The following SULF1 variants were observed in gnomAD, a reference collection of about 807,000 sequenced individuals.
SULF1 encodes extracellular sulfatase Sulf-1.
SULF1 carries 46 observed loss-of-function variants against 110.5 expected under a neutral mutation model. That is an observed-to-expected ratio of 0.42 (90% confidence interval 0.33 to 0.53). SULF1 has a LOEUF of 0.53. Among genes scored for constraint, SULF1 ranks in the 20% least tolerant of loss-of-function variants. The pLI is 0.12. For synonymous variants in SULF1, 371 were observed against 387.1 expected, an observed-to-expected ratio of 0.96 and a Z score of 0.49; for missense variants, 941 against 1,094.2, an observed-to-expected ratio of 0.86 and a Z score of 1.98.
intron 19 of SULF1, chr8:69,638,193 C>G (rs780172054): frequency 7.4e-6 from 2 of 271,002 alleles, no homozygotes; most frequent in Non-Finnish European, 1.4e-5. Context: ...CTCATACTTC[C>G]GTCACTCACC....
At chr8:69,510,087 A>T (rs1432436322) in intron 3 of SULF1, among the ~76,000 whole-genome samples, 1 of 152,164 alleles carries the variant, frequency 6.6e-6, no homozygotes, top group East Asian at 1.9e-4. Flanking sequence ...CCATGTATGC[A>T]CCTAGTTATA....
chr8:69,584,835 T>C (rs1806330906), intron 6 of SULF1, among the ~76,000 whole-genome samples: 2 of 152,222 alleles, frequency 1.3e-5, no homozygotes, highest in Admixed American at 6.5e-5. Context: ...TCTGTAGTCG[T>C]ATATCAAAGA....
intron 1 of SULF1, among the ~76,000 whole-genome samples, chr8:69,493,388 T>C (rs1177063172): frequency 2.6e-5 from 4 of 151,586 alleles, no homozygotes; most frequent in Non-Finnish European, 5.9e-5. Flanking sequence ...TTGGCCACTT[T>C]CACAGCATTC....
intron 3 of SULF1, among the ~76,000 whole-genome samples, chr8:69,545,432 TG>T (rs1814189428): frequency 6.6e-6 from 1 of 152,194 alleles, no homozygotes; most frequent in African/African-American, 2.4e-5. Flanking sequence ...AGGGCCTTAT[TG>T]ACTAAAGGTT....
Position 69,595,706 on chromosome 8 carries a change from G to A in SULF1, c.735-4897G>A, listed in dbSNP as rs188651232. 5.9e-5 allele frequency among the ~76,000 whole-genome samples: 9 copies of A among 152,200 alleles called. 1 individual carries two copies. The East Asian group carries it at 9.6e-4, about 16-fold the overall frequency. ...GTAATCTTTAAGGGTTAGATCATTC[G>A]GGTTTTTTGTTTGTTTGAGACTAAA... On this transcript the variant is annotated intron_variant, in intron 8 of 22. Coordinates refer to ENST00000402687, the MANE Select transcript of SULF1 (RefSeq NM_001128205.2).
chr8:69,575,928 G>A, intron 5 of SULF1, 42 bp from the exon 6 acceptor site: 3 of 1,602,730 alleles, frequency 1.9e-6, no homozygotes, highest in Non-Finnish European at 2.6e-6. Context: ...AGGCATTCAT[G>A]TGCTGCACTT....
At chr8:69,563,837 T>C (rs1586412959) in intron 4 of SULF1, 79 bp from the exon 5 acceptor site, 1 of 799,904 alleles carries the variant, frequency 1.3e-6, no homozygotes, top group Non-Finnish European at 2.0e-6. Flanking sequence ...GACTTATTTG[T>C]AGCCCTTTCT....
At chr8:69,498,114 CACACACACA>C (rs1178683088) in intron 2 of SULF1, among the ~76,000 whole-genome samples, 2 of 11,262 alleles carry the variant, frequency 1.8e-4, no homozygotes, top group Non-Finnish European at 3.0e-4. Context: ...TCTCTCTCTC[CACACACACA>C]CACACACACA....
chr8:69,491,725 G>A (rs1391890434), upstream of SULF1, among the ~76,000 whole-genome samples: 1 of 152,234 alleles, frequency 6.6e-6, no homozygotes, highest in Admixed American at 6.5e-5. Context: ...ATGCAGGTAA[G>A]ATCTGGTCAG....
intron 22 of SULF1, among the ~76,000 whole-genome samples, chr8:69,650,600 AC>A (rs1812264540): frequency 6.6e-6 from 1 of 152,144 alleles, no homozygotes; most frequent in African/African-American, 2.4e-5. Context: ...ACAGAGCCAG[AC>A]CCTGTTTCAA....
intron 13 of SULF1, among the ~76,000 whole-genome samples, chr8:69,619,865 A>G (rs1809469954): frequency 6.6e-6 from 1 of 152,112 alleles, no homozygotes; most frequent in South Asian, 2.1e-4. Context: ...GCGGGTGCCG[A>G]CGGCCCCAGT....
intron 3 of SULF1, among the ~76,000 whole-genome samples, chr8:69,552,246 G>A (rs998966260): frequency 2.6e-5 from 4 of 152,104 alleles, no homozygotes; most frequent in African/African-American, 4.8e-5. Context: ...CTTCTCTTGC[G>A]TAGCTCTTTT....
At chr8:69,611,552 A>G (rs1354441891) in intron 13 of SULF1, among the ~76,000 whole-genome samples, 1 of 152,240 alleles carries the variant, frequency 6.6e-6, no homozygotes, top group African/African-American at 2.4e-5. Context: ...GCTAAGTAGC[A>G]GTTTGGACAA....
chr8:69,655,594 A>G (rs1017304638), intron 22 of SULF1, among the ~76,000 whole-genome samples: 1 of 152,054 alleles, frequency 6.6e-6, no homozygotes, highest in African/African-American at 2.4e-5. Flanking sequence ...TTTAATAGAG[A>G]CAGGGTTTCA....
chr8:69,557,367 C>G (rs1258440901), intron 3 of SULF1, among the ~76,000 whole-genome samples: 1 of 152,160 alleles, frequency 6.6e-6, no homozygotes, highest in Non-Finnish European at 1.5e-5. Flanking sequence ...TTTCCTTTGT[C>G]TTGTTAATTT....
At chr8:69,572,890 C>T (rs552099931) in intron 5 of SULF1, among the ~76,000 whole-genome samples, 5 of 152,184 alleles carry the variant, frequency 3.3e-5, no homozygotes, top group Non-Finnish European at 5.9e-5. Context: ...TGCAGTGGCG[C>T]GATCTTGGCT....
chr8:69,614,714 T>A (rs1363678733), intron 13 of SULF1, among the ~76,000 whole-genome samples: 2 of 152,272 alleles, frequency 1.3e-5, no homozygotes, highest in Non-Finnish European at 2.9e-5. Context: ...TGAGATAACT[T>A]CTGGGAATGA....
chr8:69,644,690 G>A (rs1385026478), intron 22 of SULF1, among the ~76,000 whole-genome samples: 2 of 151,354 alleles, frequency 1.3e-5, no homozygotes, highest in African/African-American at 2.4e-5. Context: ...GAACCCGGGA[G>A]GCGGAGCTTG....
rs748609740 is a variant in SULF1, at chr8:69,600,664, C to G, written c.796C>G (p.Pro266Ala). 6.2e-7 allele frequency: 1 copy of G among 1,614,078 alleles called. No homozygotes were observed. The highest frequency in any genetic ancestry group is 8.5e-7 in the Non-Finnish European group (1 of 1,179,956). ...ACACTGGATTATGCAGTACACAGGA[C>G]CAATGCTGCCCATCCACATGGAATT... Reference protein sequence around the residue: ...DKHWIMQYTGPMLPIHMEFTN... With the variant: ...DKHWIMQYTGAMLPIHMEFTN... Residue 266 changes from proline (P) to alanine (A), a missense_variant, in exon 9 of 23, where the codon CCA (proline) becomes GCA (alanine). Pro to Ala is a conservative substitution (Grantham distance 27, BLOSUM62 -1). Around this residue, in one of 3 missense-constraint regions of SULF1, gnomAD observed 822 missense variants for 934.3 expected, o/e 0.88. Transcript: ENST00000402687.
Sources: allele counts gnomAD v4.1 joint callset (sites outside exome capture counted in the v4.1 genomes callset), GRCh38; gene constraint gnomAD v4.1.1; regional missense constraint gnomAD v4.1.1; transcripts MANE v1.5; gene names NCBI Gene and HGNC (gene_info 2026-07-23, HGNC 2026-07-21).